The following NRXN1 variants were observed in gnomAD, a reference collection of about 807,000 sequenced individuals.
NRXN1 encodes neurexin-1.
Under a neutral mutation model 150.9 loss-of-function variants are expected in NRXN1, and 39 were observed. The observed-to-expected ratio is 0.26, with a 90% CI of 0.20 to 0.34. NRXN1 has a LOEUF of 0.34. NRXN1 is among the 10% of genes least tolerant of loss of function. The probability of loss-of-function intolerance (pLI) is 1.00; values close to 1 mark genes in which losing one functional copy is unlikely to be tolerated. For synonymous variants in NRXN1, 924 were observed against 757.0 expected (o/e 1.22, Z -3.62); for missense variants, 1,815 against 1,949.9 (o/e 0.93, Z 1.30).
intron 5 of NRXN1, among the ~76,000 whole-genome samples, chr2:50,913,509 A>T (rs1684809676): frequency 6.6e-6 from 1 of 151,846 alleles, no homozygotes; most frequent in Non-Finnish European, 1.5e-5. Context: ...CTTATAAAGC[A>T]TAAGTTGTTT....
chr2:50,176,088 C>G (rs2060338086), intron 18 of NRXN1, among the ~76,000 whole-genome samples: 1 of 152,056 alleles, frequency 6.6e-6, no homozygotes, highest in Non-Finnish European at 1.5e-5. Context: ...GCTATGACTT[C>G]TAGTATTAGC....
At chr2:50,269,769 T>G (rs2069343471) in intron 17 of NRXN1, among the ~76,000 whole-genome samples, 2 of 152,128 alleles carry the variant, frequency 1.3e-5, no homozygotes, top group African/African-American at 4.8e-5. Context: ...AAAAAACAAC[T>G]TTTAGGATGT....
chr2:50,839,594 G>A (rs1672585670), intron 5 of NRXN1, among the ~76,000 whole-genome samples: 1 of 152,004 alleles, frequency 6.6e-6, no homozygotes. Context: ...AGCATCTAGG[G>A]CCACACCAAA....
chr2:50,378,110 G>C (rs189854110), intron 17 of NRXN1, among the ~76,000 whole-genome samples: 1 of 152,130 alleles, frequency 6.6e-6, no homozygotes, highest in South Asian at 2.1e-4. Flanking sequence ...AGGTTAGTCA[G>C]TATATGGTAA....
chr2:50,461,082 G>A (rs751513873), intron 17 of NRXN1, among the ~76,000 whole-genome samples: 2 of 151,934 alleles, frequency 1.3e-5, no homozygotes, highest in Non-Finnish European at 2.9e-5. Flanking sequence ...ACTGGATATT[G>A]GATTCTCTTT....
intron 2 of NRXN1, among the ~76,000 whole-genome samples, chr2:50,998,788 C>G (rs890727798): frequency 5.9e-5 from 9 of 152,048 alleles, no homozygotes; most frequent in African/African-American, 2.2e-4. Context: ...CATACACCCA[C>G]CACAATAATG....
chr2:50,991,281 T>C (rs1263694397), intron 2 of NRXN1, among the ~76,000 whole-genome samples: 1 of 152,004 alleles, frequency 6.6e-6, no homozygotes, highest in Non-Finnish European at 1.5e-5. Flanking sequence ...ATAAGGTGGA[T>C]GTGATGTTCT....
intron 22 of NRXN1, among the ~76,000 whole-genome samples, chr2:49,931,070 T>C (rs1029863831): frequency 6.6e-6 from 1 of 152,100 alleles, no homozygotes; most frequent in Non-Finnish European, 1.5e-5. Context: ...AGTTTAAGAA[T>C]AGAGTGAGCC....
chr2:50,477,305 G>A (rs900667351), intron 15 of NRXN1, among the ~76,000 whole-genome samples: 1 of 152,302 alleles, frequency 6.6e-6, no homozygotes, highest in Middle Eastern at 3.4e-3. Context: ...AGCAAAGCAG[G>A]CTAGGAAACT....
intron 5 of NRXN1, among the ~76,000 whole-genome samples, chr2:50,688,912 T>G (rs535464593): frequency 6.6e-6 from 1 of 152,314 alleles, no homozygotes; most frequent in East Asian, 1.9e-4. Context: ...AGGTTTTTTG[T>G]TGCATCACAC....
chr2:51,010,866 C>T (rs1351379711), intron 2 of NRXN1, among the ~76,000 whole-genome samples: 1 of 151,576 alleles, frequency 6.6e-6, no homozygotes, highest in Non-Finnish European at 1.5e-5. Context: ...TTCACTGCAA[C>T]CTCTAACTCC....
chr2:50,000,557 T>C (rs1180138278), intron 21 of NRXN1, among the ~76,000 whole-genome samples: 1 of 152,098 alleles, frequency 6.6e-6, no homozygotes, highest in East Asian at 1.9e-4. Flanking sequence ...AAGGAAAAAG[T>C]GAGGCATAAA....
In NRXN1 at chr2:50,336,846, C is replaced by G. The variant is rs112801790; in HGVS notation, c.3365-99876G>C. On this transcript the variant is annotated intron_variant, in intron 17 of 22. Transcript: ENST00000401669. The stretch of plus-strand genomic sequence containing the variant: ...AGGAAGCCTCTCGATGCCCTGTGTA[C>G]TTAAGAATCACAATGCCTAAAAACT... Among the ~76,000 whole-genome samples the G allele has an allele frequency of 6.6e-4, 100 of 152,162 alleles. 2 individuals carry two copies. The highest frequency in any genetic ancestry group is 2.1e-3 in the African/African-American group (88 of 41,520).
rs1688763623 is a variant in NRXN1, at chr2:50,937,755, T to C, written c.773-11800A>G. 4.6e-5 allele frequency among the ~76,000 whole-genome samples: 7 copies of C among 152,134 alleles called. No homozygotes were observed. The South Asian group carries it at 1.4e-3, about 31-fold the overall frequency. On this transcript the variant is annotated intron_variant, in intron 2 of 22. Transcript: ENST00000401669. ...ATCTCATTCAATTATTATAAAGACA[T>C]GGCCATGATTAGTTGAGAGAAAATT...
chr2:50,465,588 G>A, intron 16 of NRXN1, 27 bp from the exon 17 acceptor site: 2 of 1,575,842 alleles, frequency 1.3e-6, no homozygotes, highest in Non-Finnish European at 8.6e-7. Flanking sequence ...AGGAAACTTG[G>A]GTTCTTTAAA....
intron 17 of NRXN1, among the ~76,000 whole-genome samples, chr2:50,299,316 A>G (rs144158169): frequency 3.9e-4 from 60 of 152,200 alleles, no homozygotes; most frequent in African/African-American, 1.3e-3. Flanking sequence ...TTTATCCCAT[A>G]TATGCATCCA....
intron 5 of NRXN1, among the ~76,000 whole-genome samples, chr2:50,888,266 G>A (rs913291448): frequency 6.6e-6 from 1 of 151,600 alleles, no homozygotes; most frequent in Non-Finnish European, 1.5e-5. Context: ...AGAAAGAAGG[G>A]ATTGGTCAAG....
chr2:50,774,876 A>G (rs187723545), intron 5 of NRXN1, among the ~76,000 whole-genome samples: 8 of 152,294 alleles, frequency 5.3e-5, no homozygotes, highest in African/African-American at 1.9e-4. Flanking sequence ...CCCAATCACC[A>G]ATCGAATTTC....
rs752299396 is a variant in NRXN1 at position 50,099,646 on chromosome 2, C to T, written c.3547-8152G>A. On this transcript the variant is annotated intron_variant, in intron 18 of 22. Coordinates refer to ENST00000401669, the MANE Select transcript of NRXN1 (RefSeq NM_001330078.2). ...TTTGAAAAACAATGTTTAGCTTCACCGTAGTTTGATGGAAGTTAATTAAAA... is the reference window on the plus strand; with the variant it reads ...TTTGAAAAACAATGTTTAGCTTCACTGTAGTTTGATGGAAGTTAATTAAAA... 1.8e-4 allele frequency among the ~76,000 whole-genome samples: 28 copies of T among 151,972 alleles called. 1 individual carries two copies. Among genetic ancestry groups the T allele is most frequent in the Admixed American group, 5.2e-4 (8 of 15,258 alleles).
Sources: gnomAD v4.1 joint callset for allele counts (sites outside exome capture counted in the v4.1 genomes callset) on GRCh38, gnomAD v4.1.1 for gene constraint, MANE v1.5 for transcripts, NCBI Gene and HGNC (gene_info 2026-07-23, HGNC 2026-07-21) for gene names.